ZNRF1: variants seen among roughly 807,000 people sequenced by gnomAD.
ZNRF1 encodes the protein E3 ubiquitin-protein ligase ZNRF1.
In ZNRF1, 3 loss-of-function variants were observed where a neutral mutation model predicts 18.4. The ratio of observed to expected loss-of-function variants is 0.16; its 90% CI spans 0.07 to 0.42. ZNRF1 has a LOEUF of 0.42. Ranked by LOEUF, ZNRF1 falls within the 10% of genes least tolerant of loss-of-function variation. The pLI is 0.99. For missense variants in ZNRF1, 310 were observed against 329.8 expected (o/e 0.94, Z 0.47); for synonymous variants, 157 against 144.2 (o/e 1.09, Z -0.64).
chr16:75,098,553 G>A (rs1465316684), intron 2 of ZNRF1, among the ~76,000 whole-genome samples: 1 of 152,226 alleles, frequency 6.6e-6, no homozygotes, highest in Admixed American at 6.5e-5. Flanking sequence ...GACAAGGCCT[G>A]GCATGGGTGG....
At chr16:75,057,934 G>A (rs188146249) in intron 1 of ZNRF1, among the ~76,000 whole-genome samples, 4 of 152,202 alleles carry the variant, frequency 2.6e-5, no homozygotes, top group Admixed American at 2.6e-4. Flanking sequence ...GAGCCACCAC[G>A]CCCACCCAGA....
intron 1 of ZNRF1, among the ~76,000 whole-genome samples, chr16:75,024,592 G>A (rs1164443664): frequency 6.6e-6 from 1 of 152,214 alleles, no homozygotes; most frequent in African/African-American, 2.4e-5. Flanking sequence ...AAAAAAGATG[G>A]CTTGTAAGAT....
Position 75,039,388 on chromosome 16 carries a change from A to T in ZNRF1, c.424+39293A>T, listed in dbSNP as rs561556104. ...CCAAAGGCAGAACCCTAAAGACTTT[A>T]GAACCACTTAAAATACAGATAATTT... On this transcript the variant is annotated intron_variant, in intron 1 of 4. Transcript: ENST00000335325. Among the ~76,000 whole-genome samples the T allele has an allele frequency of 2.0e-5, 3 of 152,222 alleles. No individual in the cohort carries two copies. In the East Asian group the frequency reaches 5.8e-4, roughly 29 times the overall value.
chr16:75,024,154 G>C (rs908960508), intron 1 of ZNRF1, among the ~76,000 whole-genome samples: 3 of 152,118 alleles, frequency 2.0e-5, no homozygotes, highest in African/African-American at 7.2e-5. Flanking sequence ...ACAGGCATGA[G>C]CCACCGCACC....
At chr16:75,067,866 T>C (rs1311299906) in intron 1 of ZNRF1, among the ~76,000 whole-genome samples, 2 of 152,198 alleles carry the variant, frequency 1.3e-5, no homozygotes, top group East Asian at 1.9e-4. Context: ...ACGTCTCTTA[T>C]CTACAAATCT....
At chr16:75,068,386 C>A (rs1475464161) in intron 1 of ZNRF1, among the ~76,000 whole-genome samples, 1 of 151,844 alleles carries the variant, frequency 6.6e-6, no homozygotes, top group Non-Finnish European at 1.5e-5. Flanking sequence ...AACCAGTTAA[C>A]CCTGGCCTGG....
intron 1 of ZNRF1, among the ~76,000 whole-genome samples, chr16:75,050,568 A>T (rs1044904866): frequency 1.3e-5 from 2 of 151,492 alleles, no homozygotes; most frequent in African/African-American, 4.9e-5. Flanking sequence ...ATTAAAAAAA[A>T]AATAAAAATA....
At chr16:75,020,530 CTT>C (rs1671976281) in intron 1 of ZNRF1, among the ~76,000 whole-genome samples, 3 of 143,754 alleles carry the variant, frequency 2.1e-5, no homozygotes, top group South Asian at 2.1e-4. Context: ...CCTTTTCAGT[CTT>C]TTCTTTTCTT....
intron 1 of ZNRF1, among the ~76,000 whole-genome samples, chr16:75,035,359 A>G (rs1158895134): frequency 6.6e-5 from 10 of 152,180 alleles, no homozygotes; most frequent in African/African-American, 1.9e-4. Flanking sequence ...TATAGAAAGT[A>G]TACATTTGAT....
chr16:75,028,723 TC>T (rs1282232133), intron 1 of ZNRF1, among the ~76,000 whole-genome samples: 1 of 152,252 alleles, frequency 6.6e-6, no homozygotes, highest in African/African-American at 2.4e-5. Flanking sequence ...TTGAAACAGC[TC>T]TTATCAAGGT....
chr16:75,031,938 G>A (rs2035310646), intron 1 of ZNRF1, among the ~76,000 whole-genome samples: 2 of 152,006 alleles, frequency 1.3e-5, no homozygotes, highest in African/African-American at 4.8e-5. Flanking sequence ...CAAAGGAATT[G>A]CACAATTTTA....
At chr16:75,064,404 A>T (rs1218970508) in intron 1 of ZNRF1, among the ~76,000 whole-genome samples, 1 of 151,800 alleles carries the variant, frequency 6.6e-6, no homozygotes, top group African/African-American at 2.4e-5. Flanking sequence ...AAAAATACAA[A>T]AATTAGCCAG....
rs16953950 is a variant in ZNRF1 at position 75,059,563 on chromosome 16, A to T, written c.425-34009A>T. ...ATCAGAGAAAACTACCCATCTTCTT[A>T]CTTTTGTTTGTGACGAAATGGCTCA... On this transcript the variant is annotated intron_variant, in intron 1 of 4. Coordinates refer to ENST00000335325, the MANE Select transcript of ZNRF1 (RefSeq NM_032268.5). Among the ~76,000 whole-genome samples, 1,044 of 151,924 alleles carry T rather than the reference A, an allele frequency of 6.9e-3. 8 individuals carry two copies. Among genetic ancestry groups the T allele is most frequent in the African/African-American group, 0.024 (1,000 of 41,420 alleles).
intron 1 of ZNRF1, among the ~76,000 whole-genome samples, chr16:75,063,072 T>C (rs1353749612): frequency 6.6e-6 from 1 of 152,208 alleles, no homozygotes; most frequent in African/African-American, 2.4e-5. Context: ...GAGGGAAACT[T>C]AGAGGCATAA....
At chr16:75,044,465 G>T (rs1405384702) in intron 1 of ZNRF1, among the ~76,000 whole-genome samples, 12 of 152,068 alleles carry the variant, frequency 7.9e-5, no homozygotes, top group Non-Finnish European at 4.4e-5. Context: ...GATCTCAAGT[G>T]ATCTGCCTGC....
chr16:75,076,561 CTGACT>C (rs1470742341), intron 1 of ZNRF1, among the ~76,000 whole-genome samples: 1 of 151,016 alleles, frequency 6.6e-6, no homozygotes, highest in Non-Finnish European at 1.5e-5. Context: ...GACAGACTGA[CTGACT>C]TGATTGCTTA....
At chr16:75,016,537 G>C (rs1409584127) in intron 1 of ZNRF1, among the ~76,000 whole-genome samples, 1 of 147,160 alleles carries the variant, frequency 6.8e-6, no homozygotes, top group South Asian at 2.2e-4. Context: ...ACTGCACCCA[G>C]CCTATTTTTA....
At chr16:75,024,782 A>G (rs2035199113) in intron 1 of ZNRF1, among the ~76,000 whole-genome samples, 1 of 152,254 alleles carries the variant, frequency 6.6e-6, no homozygotes, top group Non-Finnish European at 1.5e-5. Context: ...CTTTTAAGCA[A>G]ATCTTTTAAG....
intron 1 of ZNRF1, among the ~76,000 whole-genome samples, chr16:75,014,879 A>G (rs1442691108): frequency 1.3e-5 from 2 of 152,082 alleles, no homozygotes; most frequent in South Asian, 2.1e-4. Flanking sequence ...TGTTATTTAT[A>G]TATTTGATAA....
Sources: gnomAD v4.1 joint callset for allele counts (sites outside exome capture counted in the v4.1 genomes callset) on GRCh38, gnomAD v4.1.1 for gene constraint, MANE v1.5 for transcripts, NCBI Gene and HGNC (gene_info 2026-07-23, HGNC 2026-07-21) for gene names.